The following PGAP4 variants were observed in gnomAD, a reference collection of about 807,000 sequenced individuals.
PGAP4 encodes post-GPI attachment to proteins GalNAc transferase 4, also known as GPI-N-acetylgalactosamine transferase PGAP4.
Under a neutral mutation model 28.2 loss-of-function variants are expected in PGAP4, and 12 were observed. The observed-to-expected ratio is 0.42, with a 90% CI of 0.27 to 0.69. The LOEUF is 0.69. PGAP4 is among the 30% of genes least tolerant of loss of function. The probability of loss-of-function intolerance (pLI) is 0.22; values close to 1 mark genes in which losing one functional copy is unlikely to be tolerated. For missense variants in PGAP4, 425 were observed against 513.5 expected (o/e 0.83, Z 1.67); for synonymous variants, 205 against 211.8 (o/e 0.97, Z 0.28).
chr9:101,493,509 C>G (rs941175369), intron 2 of PGAP4, among the ~76,000 whole-genome samples: 7 of 151,950 alleles, frequency 4.6e-5, no homozygotes, highest in African/African-American at 1.7e-4. Context: ...TTCAGTTTAA[C>G]TAATAGATAC....
At chr9:101,477,924 G>GT (rs1230369060) in intron 1 of PGAP4, among the ~76,000 whole-genome samples, 2 of 152,168 alleles carry the variant, frequency 1.3e-5, no homozygotes, top group South Asian at 2.1e-4. Flanking sequence ...AGGGAGCGGG[G>GT]GGGGAAAGGC....
At chr9:101,531,955 T>C (rs1827094753) in intron 1 of PGAP4, among the ~76,000 whole-genome samples, 1 of 152,200 alleles carries the variant, frequency 6.6e-6, no homozygotes, top group Non-Finnish European at 1.5e-5. Context: ...GATCTATTAA[T>C]AAAAGAGAGC....
upstream of PGAP4, among the ~76,000 whole-genome samples, chr9:101,490,782 T>G (rs1213819228): frequency 6.6e-6 from 1 of 152,200 alleles, no homozygotes; most frequent in Non-Finnish European, 1.5e-5. Context: ...TCTTTGGATA[T>G]GAGAGTTTCC....
At chr9:101,520,549 A>T (rs547593366) in intron 2 of PGAP4, among the ~76,000 whole-genome samples, 24 of 152,288 alleles carry the variant, frequency 1.6e-4, no homozygotes, top group African/African-American at 5.8e-4. Context: ...AGAGCTACTT[A>T]TTTGTGTACA....
At chr9:101,477,211 AAAAC>A (rs71356363) in intron 1 of PGAP4, 42 bp from the exon 2 acceptor site, 46 of 1,246,286 alleles carry the variant, frequency 3.7e-5, no homozygotes, top group Admixed American at 2.0e-4. Flanking sequence ...GTAACTTAAA[AAAAC>A]AAACAAACAA....
intron 2 of PGAP4, among the ~76,000 whole-genome samples, chr9:101,496,006 T>G (rs1826744392): frequency 6.6e-6 from 1 of 151,464 alleles, no homozygotes; most frequent in African/African-American, 2.4e-5. Context: ...GTGAACTATA[T>G]TATAGAGGAA....
At chr9:101,491,307 A>G (rs750418653), upstream of PGAP4, among the ~76,000 whole-genome samples, 46 of 152,312 alleles carry the variant, frequency 3.0e-4, no homozygotes, top group Admixed American at 8.5e-4. Context: ...GATGTGCAGT[A>G]TAACCAACCT....
intron 2 of PGAP4, among the ~76,000 whole-genome samples, chr9:101,508,761 C>G (rs1280252269): frequency 6.6e-6 from 1 of 152,082 alleles, no homozygotes; most frequent in Non-Finnish European, 1.5e-5. Context: ...AATTATAGAA[C>G]TCACCATAAT....
Position 101,476,682 on chromosome 9 carries a change from C to T in PGAP4, c.411G>A (p.Glu137=). 1 of 1,614,152 alleles carries T rather than the reference C, an allele frequency of 6.2e-7. No homozygotes were observed. Among genetic ancestry groups the T allele is most frequent in the Non-Finnish European group, 8.5e-7 (1 of 1,180,038 alleles). ...RLLQQCGPQC[E]GHQLFLCNVE... ...CGTTGCACAGGAAGAGTTGGTGCCCCTCGCACTGGGGGCCACATTGCTGAA... is the reference window on the plus strand; with the variant it reads ...CGTTGCACAGGAAGAGTTGGTGCCCTTCGCACTGGGGGCCACATTGCTGAA... The change falls in exon 2 of 2, where the codon GAG becomes GAA. Residue 137 remains glutamate, a synonymous_variant. Coordinates refer to ENST00000374848, the MANE Select transcript of PGAP4 (RefSeq NM_032342.3). This position sits in a 1 kb window ranked among gnomAD's most constrained non-coding sequence, Gnocchi z 7.0.
At chr9:101,484,993 T>G (rs888092093) in intron 1 of PGAP4, among the ~76,000 whole-genome samples, 1 of 152,222 alleles carries the variant, frequency 6.6e-6, no homozygotes, top group African/African-American at 2.4e-5. Context: ...ATTAAGCATT[T>G]GATTCAACAC....
intron 2 of PGAP4, among the ~76,000 whole-genome samples, chr9:101,511,443 A>T (rs1167923715): frequency 6.6e-6 from 1 of 152,188 alleles, no homozygotes; most frequent in Non-Finnish European, 1.5e-5. Context: ...TTAAACCCAG[A>T]TACTGTTGGC....
chr9:101,505,876 A>C (rs1458894053), intron 2 of PGAP4, among the ~76,000 whole-genome samples: 1 of 152,168 alleles, frequency 6.6e-6, no homozygotes, highest in Non-Finnish European at 1.5e-5. Context: ...GGTTTAGCTG[A>C]ATTAGTGATT....
chr9:101,498,709 G>C (rs1448321560), intron 2 of PGAP4, among the ~76,000 whole-genome samples: 1 of 151,942 alleles, frequency 6.6e-6, no homozygotes, highest in Non-Finnish European at 1.5e-5. Context: ...AGGAAACCTG[G>C]CATGCCTTAA....
At chr9:101,484,338 C>T (rs1826564538) in intron 1 of PGAP4, among the ~76,000 whole-genome samples, 1 of 151,858 alleles carries the variant, frequency 6.6e-6, no homozygotes, top group South Asian at 2.1e-4. Context: ...AAATGAAATG[C>T]CTAGCAAAGG....
intron 1 of PGAP4, among the ~76,000 whole-genome samples, chr9:101,484,089 G>A (rs934068806): frequency 5.3e-5 from 8 of 152,134 alleles, no homozygotes; most frequent in Non-Finnish European, 8.8e-5. Flanking sequence ...TTGACATAAC[G>A]ATCCTACTTC....
chr9:101,499,047 C>G (rs1255471091), intron 2 of PGAP4, among the ~76,000 whole-genome samples: 1 of 151,690 alleles, frequency 6.6e-6, no homozygotes, highest in African/African-American at 2.4e-5. Flanking sequence ...CCTCACAGAC[C>G]GAATGTAAAT....
At chr9:101,503,212 A>G (rs892031146) in intron 2 of PGAP4, among the ~76,000 whole-genome samples, 2 of 152,100 alleles carry the variant, frequency 1.3e-5, no homozygotes, top group Non-Finnish European at 2.9e-5. Context: ...ATCTTGGACT[A>G]AAAAGCGATC....
In PGAP4 at chr9:101,475,502, C is replaced by A. The variant is rs1826271707; in HGVS notation, c.*379G>T. The stretch of plus-strand genomic sequence containing the variant: ...AAAGGATCTCACCTTTCACAAAATT[C>A]TACCCTTAAGATCCTAAAACAGTCA... On this transcript the variant is annotated 3_prime_UTR_variant, in exon 2 of 2. Transcript: ENST00000374848. The A allele has an allele frequency of 4.8e-6, 1 of 210,518 alleles. No homozygotes were observed. Among genetic ancestry groups the A allele is most frequent in the Non-Finnish European group, 9.6e-6 (1 of 104,126 alleles). 13.0% of individuals were successfully genotyped at this position (210,518 alleles called of 1,614,324 possible).
chr9:101,524,925 T>C (rs570458962), intron 2 of PGAP4, among the ~76,000 whole-genome samples: 1 of 152,300 alleles, frequency 6.6e-6, no homozygotes, highest in East Asian at 1.9e-4. Context: ...CTAAAATTCA[T>C]AATGCGAGCT....
Sources: allele counts gnomAD v4.1 joint callset (sites outside exome capture counted in the v4.1 genomes callset), GRCh38; gene constraint gnomAD v4.1.1; non-coding constraint Gnocchi (gnomAD v3.1); transcripts MANE v1.5; gene names NCBI Gene and HGNC (gene_info 2026-07-23, HGNC 2026-07-21).